The following PER1 variants were observed in gnomAD, a reference collection of about 807,000 sequenced individuals.
PER1 encodes the protein period circadian protein homolog 1.
In PER1, 87 loss-of-function variants were observed where a neutral mutation model predicts 125.9. The observed-to-expected ratio is 0.69, with a 90% CI of 0.58 to 0.83. The LOEUF (loss-of-function observed/expected upper bound fraction) is 0.83. Ranked by LOEUF, PER1 falls within the 40% of genes least tolerant of loss-of-function variation. PER1 has a pLI of 0.00. For synonymous variants in PER1, 801 were observed against 714.7 expected (o/e 1.12, Z -1.93); for missense variants, 1,775 against 1,722.8 (o/e 1.03, Z -0.54).
At chr17:8,147,050 T>G (rs527618585) in intron 13 of PER1, 48 bp from the exon 14 acceptor site, 2 of 1,523,098 alleles carry the variant, frequency 1.3e-6, no homozygotes, top group South Asian at 2.3e-5. Context: ...GTGTCGCCAG[T>G]GTCAGGGGCC....
chr17:8,148,772 C>T lies in PER1; in HGVS notation c.920G>A (p.Arg307Gln), dbSNP rs768837913. 111 of 1,613,294 alleles carry T rather than the reference C, an allele frequency of 6.9e-5. 1 individual carries two copies. The highest frequency in any genetic ancestry group is 8.1e-5 in the Non-Finnish European group (95 of 1,179,754). The change falls in exon 8 of 23, where the codon CGG (arginine) becomes CAG (glutamine). Residue 307 changes from arginine to glutamine, a missense_variant. Transcript: ENST00000317276. ...VFCRIRGGPD[R>Q]DPGPRYQPFR... is the part of the protein sequence containing the mutation. ...TGGCTGGTACCGAGGCCCTGGATCC[C>T]GGTCAGGACCTCCTCTAGCAAAGGA...
chr17:8,146,455 G>A lies in PER1; in HGVS notation c.1955C>T (p.Ala652Val), dbSNP rs1167569976. The A allele has an allele frequency of 3.7e-6, 6 of 1,613,692 alleles. No homozygotes were observed. Among genetic ancestry groups the A allele is most frequent in the Non-Finnish European group, 5.1e-6 (6 of 1,179,936 alleles). Residue 652 changes from alanine (A) to valine (V), a missense_variant, in exon 16 of 23, where the codon GCC (alanine) becomes GTC (valine). By Grantham distance (64) the Ala-to-Val change is moderately conservative. Coordinates refer to ENST00000317276, the MANE Select transcript of PER1 (RefSeq NM_002616.3). ...GGAGGTGGTATAGGAGGAGGAGGAG[G>A]CACATTTACGCTTAGTGGTGCTGGG... ...NLPSTTKRKC[A>V]SSSSYTTSSA... is the part of the protein sequence containing the mutation.
chr17:8,150,247 G>A lies in PER1; in HGVS notation c.346C>T (p.Gln116Ter). 6.3e-7 allele frequency: 1 copy of A among 1,577,222 alleles called. No individual in the cohort carries two copies. ...CAGCCACTGGTGGACGGGTTGTCCT[G>A]CTCTGAGCTGGCACTCAGGAGGCTG... ...AYSLLSASSE[Q>*]DNPSTSGCSS... Residue 116 changes from glutamine (Q) to a stop codon, truncating the protein, a stop_gained, in exon 3 of 23, where the codon CAG (glutamine) becomes TAG (stop). Coordinates refer to ENST00000317276, the MANE Select transcript of PER1 (RefSeq NM_002616.3). LOFTEE classifies it high-confidence loss of function.
chr17:8,145,378 C>A (rs1360522873), intron 17 of PER1, among the ~76,000 whole-genome samples: 1 of 141,622 alleles, frequency 7.1e-6, no homozygotes, highest in African/African-American at 2.6e-5. Flanking sequence ...AGCTGGAGTG[C>A]AGTGGTGCGA....
At chr17:8,151,884 T>C (rs1982881815) in intron 1 of PER1, among the ~76,000 whole-genome samples, 1 of 151,902 alleles carries the variant, frequency 6.6e-6, no homozygotes, top group African/African-American at 2.4e-5. Context: ...AAAGGGAAGG[T>C]TGTGGCCAAC....
chr17:8,144,291 G>A, intron 18 of PER1: 1 of 404,626 alleles, frequency 2.5e-6, no homozygotes, highest in African/African-American at 2.1e-5. Context: ...GGAGTGAAGA[G>A]TGGGGCTGGA....
At position 8,150,440 on chromosome 17, in the gene PER1, G is replaced by T. The variant is rs752179331; in HGVS notation, c.267C>A (p.Ser89Arg). 6.2e-7 allele frequency: 1 copy of T among 1,610,954 alleles called. No homozygotes were observed. The part of the protein sequence containing the change: ...KDSALLETTE[S>R]SKSTNSQSPS... ...TACACATCCATACACACCTCTTGCT[G>T]CTCTCAGTGGTCTCCAGCAGGGCTG... The change falls in exon 2 of 23, where the codon AGC becomes AGA. Residue 89 changes from serine (S) to arginine (R), a missense_variant. Coordinates refer to ENST00000317276, the MANE Select transcript of PER1 (RefSeq NM_002616.3).
At position 8,143,736 on chromosome 17, in the gene PER1, AG is replaced by A; in HGVS notation, c.2601del (p.Trp868GlyfsTer48). On this transcript the variant is annotated frameshift_variant, in exon 19 of 23. Coordinates refer to ENST00000317276, the MANE Select transcript of PER1 (RefSeq NM_002616.3). LOFTEE classifies it high-confidence loss of function. ...GGGGTAGTGGCTGGTGGGGTGGGCC[AG>A]GGGGTGGAGGGTGGCACGGGTGAGG... Reference protein sequence around the residue: ...SHPSPVPPSTPWPTPPATTPF... With the variant: ...SHPSPVPPSTXWPTPPATTPF... The A allele has an allele frequency of 1.3e-6, 1 of 797,052 alleles. No homozygotes were observed. Among genetic ancestry groups the A allele is most frequent in the East Asian group, 9.7e-5 (1 of 10,296 alleles). The allele number at this position is 797,052 out of a possible 1,614,324, so 49.4% of individuals were successfully genotyped here. A position where few individuals can be genotyped will look rare whatever the true frequency, so the allele number is the denominator to read the frequency against.
intron 17 of PER1, 36 bp downstream of exon 17, chr17:8,145,922 G>T: frequency 6.4e-7 from 1 of 1,553,624 alleles, no homozygotes; most frequent in Non-Finnish European, 8.7e-7. Flanking sequence ...GAGACCGGTG[G>T]AGCCCAAGCA....
rs1333613303 is a variant in PER1 at position 8,147,723 on chromosome 17, G to A, written c.1339C>T (p.Pro447Ser). 1.2e-6 allele frequency: 2 copies of A among 1,614,114 alleles called. No homozygotes were observed. The highest frequency in any genetic ancestry group is 1.7e-6 in the Non-Finnish European group (2 of 1,180,032). The change falls in exon 11 of 23, where the codon CCC becomes TCC. Residue 447 changes from proline (P) to serine (S), a missense_variant. Transcript: ENST00000317276. ...MDTSWAGFVH[P>S]WSRKVAFVLG... is the part of the protein sequence containing the mutation. Reference sequence around the variant, plus strand: ...ACGAAGGCTACCTTGCGGCTCCAGGGGTGCACAAAGCCAGCCCAGCTGGTG... The same window carrying A: ...ACGAAGGCTACCTTGCGGCTCCAGGAGTGCACAAAGCCAGCCCAGCTGGTG...
At chr17:8,148,513 C>T (rs1431725851) in intron 8 of PER1, 131 bp downstream of exon 8, 3 of 1,197,778 alleles carry the variant, frequency 2.5e-6, no homozygotes, top group Non-Finnish European at 3.5e-6. Flanking sequence ...AGCTCAAATC[C>T]TCATCTTTAC....
chr17:8,146,106 C>A lies in PER1; in HGVS notation c.2070G>T (p.Gly690=). 6.2e-7 allele frequency: 1 copy of A among 1,610,852 alleles called. No individual in the cohort carries two copies. Among genetic ancestry groups the A allele is most frequent in the East Asian group, 2.2e-5 (1 of 44,864 alleles). Reference sequence around the variant, plus strand: ...CCACTGGCTCCTTCCGTGGGGTGGCCCCCTCCCCAGACAGCGCTGCTGACG... The same window carrying A: ...CCACTGGCTCCTTCCGTGGGGTGGCACCCTCCCCAGACAGCGCTGCTGACG... ...DPPSAALSGE[G]ATPRKEPVVG... The change falls in exon 17 of 23, where the codon GGG becomes GGT. Residue 690 remains glycine, a synonymous_variant. Transcript: ENST00000317276.
chr17:8,145,296 T>C (rs1982359962), intron 17 of PER1: 1 of 313,092 alleles, frequency 3.2e-6, no homozygotes, highest in African/African-American at 2.2e-5. Context: ...GCCCACCCCT[T>C]GGCCTTCCCT....
At chr17:8,150,157 GACATT>G in intron 3 of PER1, 32 bp from the exon 4 acceptor site, 1 of 1,611,566 alleles carries the variant, frequency 6.2e-7, no homozygotes, top group Non-Finnish European at 8.5e-7. Context: ...AAGAGATAAA[GACATT>G]AGTCCCAGAG....
rs1982722523 is a variant in PER1, at chr17:8,149,833, C to T, written c.573G>A (p.Glu191=). 2 of 1,614,050 alleles carry T rather than the reference C, an allele frequency of 1.2e-6. No homozygotes were observed. Among genetic ancestry groups the T allele is most frequent in the Non-Finnish European group, 1.7e-6 (2 of 1,180,038 alleles). The part of the protein sequence containing the change: ...YYQQWSLEEG[E]PCSMDMSTYT... Reference sequence around the variant, plus strand: ...AGGTGGACATGTCCATGGAGCAAGGCTCGCCCTCCTCCAGGCTCCACTGCT... The same window carrying T: ...AGGTGGACATGTCCATGGAGCAAGGTTCGCCCTCCTCCAGGCTCCACTGCT... Residue 191 remains glutamate, a synonymous_variant, in exon 5 of 23, where the codon GAG becomes GAA. Coordinates refer to ENST00000317276, the MANE Select transcript of PER1 (RefSeq NM_002616.3).
intron 18 of PER1, chr17:8,144,102 G>C (rs1982272583): frequency 1.6e-6 from 1 of 617,032 alleles, no homozygotes; most frequent in Admixed American, 3.4e-5. Context: ...CCAGGGAGAG[G>C]TTACACGAGG....
rs754225793 is a variant in PER1 at position 8,141,360 on chromosome 17, A to G, written c.3601-20T>C. 8.2e-6 allele frequency: 13 copies of G among 1,583,010 alleles called. No individual in the cohort carries two copies. Among genetic ancestry groups the G allele is most frequent in the Non-Finnish European group, 1.1e-5 (13 of 1,162,700 alleles). ...ACAGGCCTTGGTGAGAGAAATGGAC[A>G]TGAGAGAGTCAGACAGGGTTCTCAC... is the stretch of plus-strand genomic sequence containing the variant. On this transcript the variant is annotated intron_variant, in intron 22 of 22. Transcript: ENST00000317276.
At position 8,150,655 on chromosome 17, in the gene PER1, C is replaced by G; in HGVS notation, c.52G>C (p.Glu18Gln). ...GGGACGCCCCCAGGACAAAATGATTCCCCAGGCCTGGGGTCCCCTCCCCCA... is the reference window on the plus strand; with the variant it reads ...GGGACGCCCCCAGGACAAAATGATTGCCCAGGCCTGGGGTCCCCTCCCCCA... ...ADGGGDPRPG[E>Q]SFCPGGVPSP... Residue 18 changes from glutamate (E) to glutamine (Q), a missense_variant, in exon 2 of 23, where the codon GAA becomes CAA. Physicochemically the swap from Glu to Gln is conservative, Grantham distance 29 (BLOSUM62 2). Transcript: ENST00000317276. 6.2e-7 allele frequency: 1 copy of G among 1,602,784 alleles called. No individual in the cohort carries two copies. Among genetic ancestry groups the G allele is most frequent in the Non-Finnish European group, 8.5e-7 (1 of 1,175,284 alleles).
Position 8,141,224 on chromosome 17 carries a change from G to A in PER1, c.3717C>T (p.Gly1239=). 1 of 1,614,150 alleles carries A rather than the reference G, an allele frequency of 6.2e-7. No homozygotes were observed. Among genetic ancestry groups the A allele is most frequent in the Non-Finnish European group, 8.5e-7 (1 of 1,180,034 alleles). The change falls in exon 23 of 23, where the codon GGC becomes GGT. Residue 1239 remains glycine (G), a synonymous_variant. Transcript: ENST00000317276. ...CCTCACCACTGCCGCCACCGCTGCT[G>A]CCCTGCTCGCCTCCACCCTCTTCCA... ...EPMEEGGGEQ[G]SSGGGSGEGE... is the part of the protein sequence containing the mutation.
Sources: gnomAD v4.1 joint callset for allele counts (sites outside exome capture counted in the v4.1 genomes callset) on GRCh38, gnomAD v4.1.1 for gene constraint, MANE v1.5 for transcripts, NCBI Gene and HGNC (gene_info 2026-07-23, HGNC 2026-07-21) for gene names.